ARMCX4: variants seen among roughly 807,000 people sequenced by gnomAD.
ARMCX4 encodes armadillo repeat-containing X-linked protein 4.
Under a neutral mutation model 34.7 loss-of-function variants are expected in ARMCX4, and 3 were observed. The ratio of observed to expected loss-of-function variants is 0.09; its 90% CI spans 0.04 to 0.22. The LOEUF (loss-of-function observed/expected upper bound fraction) is 0.22. Among genes scored for constraint, ARMCX4 ranks in the 10% least tolerant of loss-of-function variants. The pLI is 1.00. For synonymous variants in ARMCX4, 513 were observed against 632.8 expected (o/e 0.81, Z 2.84); for missense variants, 1,448 against 1,720.8 (o/e 0.84, Z 2.81).
chrX:101,451,742 A>G (rs782189405), downstream of ARMCX4, among the ~76,000 whole-genome samples: 23 of 112,309 alleles, frequency 2.0e-4, no homozygotes, highest in African/African-American at 6.5e-4. Context: ...TACTCTGGAC[A>G]CTGATCTAGA....
At chrX:101,521,997 A>G (rs956528625) in intron 11 of ARMCX4, among the ~76,000 whole-genome samples, 8 of 111,682 alleles carry the variant, frequency 7.2e-5, no homozygotes, top group Non-Finnish European at 9.4e-5. Flanking sequence ...GAAGTGTTCT[A>G]TAGATGTCTG....
At chrX:101,464,516 G>A (rs1932758897) in intron 4 of ARMCX4, among the ~76,000 whole-genome samples, 1 of 111,757 alleles carries the variant, frequency 8.9e-6, no homozygotes, top group Admixed American at 9.5e-5. Flanking sequence ...CTAACATCAA[G>A]TGGTAGGTTC....
chrX:101,461,708 C>G (rs1272207170), intron 4 of ARMCX4, among the ~76,000 whole-genome samples: 1 of 111,667 alleles, frequency 9.0e-6, no homozygotes, highest in Non-Finnish European at 1.9e-5. Flanking sequence ...TCTCCACATC[C>G]TCACCAACAC....
intron 2 of ARMCX4, among the ~76,000 whole-genome samples, chrX:101,437,514 C>T (rs1355597042): frequency 5.4e-5 from 6 of 111,382 alleles, no homozygotes; most frequent in African/African-American, 1.6e-4. Context: ...TTTTTTATTG[C>T]ATCTATTTGA....
chrX:101,433,579 G>A (rs1458739831), intron 2 of ARMCX4, among the ~76,000 whole-genome samples: 1 of 111,516 alleles, frequency 9.0e-6, no homozygotes, highest in Non-Finnish European at 1.9e-5. Flanking sequence ...TGGATTGCAG[G>A]TACAACAAGT....
rs1178454779 is a variant in ARMCX4 at position 101,488,522 on chromosome X, C to T, written c.-68C>T. 1.7e-6 allele frequency: 2 copies of T among 1,151,985 alleles called. No homozygotes were observed. The highest frequency in any genetic ancestry group is 3.6e-5 in the African/African-American group (2 of 55,623). 94.9% of individuals were successfully genotyped at this position (1,151,985 alleles called of 1,213,427 possible). On this transcript the variant is annotated 5_prime_UTR_variant, in exon 6 of 6. Transcript: ENST00000423738. ...CTCACAGGCCTACACCCACAACTAC[C>T]ACTCTCTTTACCCCAGCCCGAGTGC...
intron 4 of ARMCX4, among the ~76,000 whole-genome samples, chrX:101,470,333 G>A (rs1373683538): frequency 1.8e-5 from 2 of 109,626 alleles, no homozygotes; most frequent in African/African-American, 6.7e-5. Context: ...TCCTTTTTGA[G>A]ACAGAGTCTC....
chrX:101,447,825 C>T (rs1378200365), downstream of ARMCX4: 1 of 111,523 alleles, frequency 9.0e-6, no homozygotes, highest in Middle Eastern at 4.3e-3. Context: ...AGCATTTATC[C>T]TTTGTGTTAC....
chrX:101,488,925 GACTC>G lies in ARMCX4; in HGVS notation c.338_341del (p.Thr113AsnfsTer13). 8.6e-7 allele frequency: 1 copy of G among 1,156,281 alleles called. No individual in the cohort carries two copies. Among genetic ancestry groups the G allele is most frequent in the Non-Finnish European group, 1.1e-6 (1 of 873,098 alleles). On this transcript the variant is annotated frameshift_variant, in exon 6 of 6. Transcript: ENST00000423738. LOFTEE classifies it low-confidence loss of function (END_TRUNC). ...AGGCAATGGTTGGGGCAGAGCCAGA[GACTC>G]AATCTGAGTCCAAAGTGGTGGCTGG...
intron 2 of ARMCX4, among the ~76,000 whole-genome samples, chrX:101,439,822 C>T (rs1555996238): frequency 8.9e-6 from 1 of 112,274 alleles, no homozygotes; most frequent in Non-Finnish European, 1.9e-5. Flanking sequence ...TGGTTTTCAG[C>T]TCCATCAGGT....
At chrX:101,425,823 A>T (rs1460348962) in intron 2 of ARMCX4, among the ~76,000 whole-genome samples, 1 of 109,868 alleles carries the variant, frequency 9.1e-6, no homozygotes, top group African/African-American at 3.3e-5. Context: ...CAAATTATTT[A>T]TTTATTTATT....
intron 12 of ARMCX4, chrX:101,532,578 T>C (rs1935150225): frequency 9.0e-6 from 1 of 111,266 alleles, no homozygotes; most frequent in South Asian, 3.8e-4. Flanking sequence ...CACCTCCTAG[T>C]ACTGCTTTGC....
At chrX:101,516,982 C>T (rs1286103326) in intron 11 of ARMCX4, 5 of 112,088 alleles carry the variant, frequency 4.5e-5, no homozygotes, top group Non-Finnish European at 9.4e-5. Flanking sequence ...TTTTACTGCT[C>T]ATGCCACCAG....
At chrX:101,486,145 A>G (rs1556006730) in intron 2 of ARMCX4, 53 bp downstream of exon 2, 1 of 111,074 alleles carries the variant, frequency 9.0e-6, no homozygotes. Context: ...TATGAATTCT[A>G]TGACAGGAAC....
At chrX:101,431,370 A>G (rs782248486) in intron 2 of ARMCX4, among the ~76,000 whole-genome samples, 1 of 111,824 alleles carries the variant, frequency 8.9e-6, no homozygotes, top group South Asian at 3.7e-4. Context: ...TTAAAGATTA[A>G]CTGCACCTTG....
rs1556010186 is a variant in ARMCX4, at chrX:101,493,102, C to A, written c.4513C>A (p.Gln1505Lys). ...SGDSWAGTGD[Q>K]ASGWFCVCPG... ...AGATTCCTGGGCTGGCACTGGGGAC[C>A]AGGCCAGTGGATGGTTCTGTGTTTG... Residue 1505 changes from glutamine to lysine, a missense_variant, in exon 6 of 6, where the codon CAG (glutamine) becomes AAG (lysine). Around this residue, in one of 2 missense-constraint regions of ARMCX4, gnomAD observed 1,343 missense variants for 1,540.7 expected, o/e 0.87. Coordinates refer to ENST00000423738, the MANE Select transcript of ARMCX4 (RefSeq NM_001256155.3). The A allele has an allele frequency of 8.7e-7, 1 of 1,154,288 alleles. No homozygotes were observed. The highest frequency in any genetic ancestry group is 3.3e-5 in the East Asian group (1 of 30,668).
chrX:101,424,895 G>C lies in ARMCX4; in HGVS notation n.164+5895G>C, dbSNP rs181675558. Among the ~76,000 whole-genome samples the C allele has an allele frequency of 3.9e-3, 434 of 112,065 alleles. 2 individuals are homozygous for C. Among genetic ancestry groups the C allele is most frequent in the Non-Finnish European group, 6.1e-3 (325 of 53,210 alleles). ...GACGTGCCTTTGAGAACACCCAAGA[G>C]AATATAGGTAGTTGGATGGATGGAT... On this transcript the variant is annotated intron_variant and non_coding_transcript_variant, in intron 2 of 3. Transcript: ENST00000430461.
Position 101,492,014 on chromosome X carries a change from G to T in ARMCX4, c.3425G>T (p.Ser1142Ile). ...DENEASIGSW[S>I]GASDKAGIIR... ...AATGAAGCCAGTATTGGGTCCTGGA[G>T]TGGGGCTAGTGATAAGGCTGGGATT... Residue 1142 changes from serine to isoleucine, a missense_variant, in exon 6 of 6, where the codon AGT (serine) becomes ATT (isoleucine). By Grantham distance (142) the Ser-to-Ile change is moderately radical. This residue lies in a region of ARMCX4 where 1,343 missense variants were observed against 1,540.7 expected (regional missense o/e 0.87). Coordinates refer to ENST00000423738, the MANE Select transcript of ARMCX4 (RefSeq NM_001256155.3). The T allele has an allele frequency of 8.7e-7, 1 of 1,154,937 alleles. No individual in the cohort carries two copies. Among genetic ancestry groups the T allele is most frequent in the Non-Finnish European group, 1.1e-6 (1 of 872,097 alleles).
intron 3 of ARMCX4, among the ~76,000 whole-genome samples, chrX:101,445,590 AG>A (rs1419128735): frequency 4.5e-5 from 5 of 112,232 alleles, no homozygotes; most frequent in African/African-American, 1.6e-4. Flanking sequence ...AGATTAGAGA[AG>A]GGTGGAGGAA....
Sources: allele counts gnomAD v4.1 joint callset (sites outside exome capture counted in the v4.1 genomes callset), GRCh38; gene constraint gnomAD v4.1.1; regional missense constraint gnomAD v4.1.1; transcripts MANE v1.5; gene names NCBI Gene and HGNC (gene_info 2026-07-23, HGNC 2026-07-21).